Variants in ZBTB46 observed in about 807,000 individuals in gnomAD.
ZBTB46 encodes the protein zinc finger and BTB domain-containing protein 46.
Under a neutral mutation model 44.1 loss-of-function variants are expected in ZBTB46, and 8 were observed. That is an observed-to-expected ratio of 0.18 (90% CI 0.11 to 0.33). The LOEUF is 0.33. Among genes scored for constraint, ZBTB46 ranks in the 10% least tolerant of loss-of-function variants. The pLI, the probability that ZBTB46 is intolerant of heterozygous loss-of-function variation, is 1.00. For missense variants in ZBTB46, 651 were observed against 847.7 expected (o/e 0.77, Z 2.88); for synonymous variants, 409 against 382.3 (o/e 1.07, Z -0.81).
At chr20:63,791,385 A>G (rs1201593678) in intron 1 of ZBTB46, among the ~76,000 whole-genome samples, 1 of 148,876 alleles carries the variant, frequency 6.7e-6, no homozygotes, top group Non-Finnish European at 1.5e-5. Context: ...AGTCCCAGCT[A>G]TTCAGGAGGC....
intron 1 of ZBTB46, among the ~76,000 whole-genome samples, chr20:63,810,039 C>T (rs561517439): frequency 2.7e-4 from 41 of 152,198 alleles, no homozygotes; most frequent in African/African-American, 9.4e-4. Context: ...CAAAGGTGGC[C>T]GTGACACAGG....
chr20:63,812,968 C>T (rs1392696097), intron 1 of ZBTB46, among the ~76,000 whole-genome samples: 1 of 151,948 alleles, frequency 6.6e-6, no homozygotes, highest in African/African-American at 2.4e-5. Context: ...TGTGATGGCG[C>T]GTGCCTGTAG....
At chr20:63,762,251 T>A (rs947549489) in intron 3 of ZBTB46, among the ~76,000 whole-genome samples, 1 of 152,216 alleles carries the variant, frequency 6.6e-6, no homozygotes, top group Non-Finnish European at 1.5e-5. Context: ...TTACTGAGAT[T>A]TTGTTTGCTG....
chr20:63,759,536 T>C lies in ZBTB46; in HGVS notation c.1223-6675A>G, dbSNP rs73319792. Among the ~76,000 whole-genome samples the C allele has an allele frequency of 3.1e-3, 473 of 152,252 alleles. 3 individuals carry two copies. Among genetic ancestry groups the C allele is most frequent in the African/African-American group, 0.011 (466 of 41,548 alleles). ...CACAGTGCCTGGCCCCTTTCATTTA[T>C]CACTGTATTGCACAGCTTGGGACAA... On this transcript the variant is annotated intron_variant, in intron 3 of 4. Transcript: ENST00000245663.
intron 2 of ZBTB46, among the ~76,000 whole-genome samples, chr20:63,788,732 C>T (rs1234619657): frequency 6.6e-6 from 1 of 151,872 alleles, no homozygotes; most frequent in East Asian, 2.0e-4. Flanking sequence ...CCCAGCTAAT[C>T]GGAGGCTGTG....
intron 1 of ZBTB46, among the ~76,000 whole-genome samples, chr20:63,830,289 G>C (rs1251869574): frequency 1.3e-5 from 2 of 152,140 alleles, no homozygotes; most frequent in South Asian, 4.1e-4. Flanking sequence ...CTTAGGGATT[G>C]AGTTGTCAGA....
At chr20:63,809,239 G>A (rs368486199) in intron 1 of ZBTB46, among the ~76,000 whole-genome samples, 1 of 128,002 alleles carries the variant, frequency 7.8e-6, no homozygotes, top group Non-Finnish European at 1.7e-5. Context: ...CCCTGGGGGC[G>A]CAGCCCTGGG....
intron 2 of ZBTB46, among the ~76,000 whole-genome samples, chr20:63,777,308 TAAAAC>T (rs1377329750): frequency 6.6e-6 from 1 of 151,910 alleles, no homozygotes; most frequent in African/African-American, 2.4e-5. Flanking sequence ...AAAGTTAAAA[TAAAAC>T]AAAATTAGCT....
At chr20:63,748,446 G>A (rs1392827812) in intron 4 of ZBTB46, among the ~76,000 whole-genome samples, 2 of 152,222 alleles carry the variant, frequency 1.3e-5, no homozygotes, top group East Asian at 1.9e-4. Flanking sequence ...CCTCAGACAT[G>A]GCCAGGGATG....
In ZBTB46 at chr20:63,767,906, C is replaced by G. The variant is rs1176920026; in HGVS notation, c.1222+7772G>C. On this transcript the variant is annotated intron_variant, in intron 3 of 4. Transcript: ENST00000245663. This position sits in a 1 kb window ranked among gnomAD's most constrained non-coding sequence, Gnocchi z 5.0. ...GACAGGCCACAGGCCCTGCAGAAACCCACCCTCATGCCAGCGGGAGCCAAC... is the reference window on the plus strand; with the variant it reads ...GACAGGCCACAGGCCCTGCAGAAACGCACCCTCATGCCAGCGGGAGCCAAC... 4 of 985,332 alleles carry G rather than the reference C, an allele frequency of 4.1e-6. No individual in the cohort carries two copies. The highest frequency in any genetic ancestry group is 4.8e-6 in the Non-Finnish European group (4 of 829,936). 61.0% of individuals were successfully genotyped at this position (985,332 alleles called of 1,614,324 possible).
intron 2 of ZBTB46, among the ~76,000 whole-genome samples, chr20:63,784,893 T>A (rs2092499931): frequency 6.6e-6 from 1 of 152,168 alleles, no homozygotes; most frequent in South Asian, 2.1e-4. Flanking sequence ...GGTTGGGGCA[T>A]CGGCGTCGAA....
intron 3 of ZBTB46, among the ~76,000 whole-genome samples, chr20:63,758,896 T>G (rs2145793056): frequency 8.8e-6 from 1 of 114,152 alleles, no homozygotes; most frequent in South Asian, 3.6e-4. Flanking sequence ...CACGCCCGGC[T>G]AATTTTTTTG....
intron 1 of ZBTB46, among the ~76,000 whole-genome samples, chr20:63,799,514 A>G (rs1309426101): frequency 6.7e-6 from 1 of 149,740 alleles, no homozygotes; most frequent in Admixed American, 6.6e-5. Context: ...CACCCAGCTA[A>G]TTTTTGTAAT....
rs562644083 is a variant in ZBTB46 at position 63,767,770 on chromosome 20, G to A, written c.1222+7908C>T. On this transcript the variant is annotated intron_variant, in intron 3 of 4. Transcript: ENST00000245663. This position sits in a 1 kb window ranked among gnomAD's most constrained non-coding sequence, Gnocchi z 5.0. ...AGCTGTCAGCGCCCAAGGAGCTCCA[G>A]GCGAGGCCAAGCCGTCCTGGCACTG... The A allele has an allele frequency of 1.7e-6, 1 of 597,328 alleles. No homozygotes were observed. Among genetic ancestry groups the A allele is most frequent in the East Asian group, 1.4e-4 (1 of 7,028 alleles). The allele number at this position is 597,328 out of a possible 1,614,324, so 37.0% of individuals were successfully genotyped here. A position where few individuals can be genotyped will look rare whatever the true frequency, so the allele number is the denominator to read the frequency against.
intron 1 of ZBTB46, among the ~76,000 whole-genome samples, 186 bp downstream of exon 1, chr20:63,830,911 G>A (rs1171766652): frequency 7.1e-6 from 1 of 141,038 alleles, no homozygotes; most frequent in Non-Finnish European, 1.6e-5. Flanking sequence ...CGGAGCCCGC[G>A]CCGCAGCTGG....
intron 3 of ZBTB46, among the ~76,000 whole-genome samples, chr20:63,764,640 T>C (rs2092303821): frequency 6.6e-6 from 1 of 151,840 alleles, no homozygotes; most frequent in East Asian, 1.9e-4. Context: ...TTCGCTCTTG[T>C]TGCCCATGCT....
At chr20:63,779,565 C>T (rs1182402011) in intron 2 of ZBTB46, among the ~76,000 whole-genome samples, 1 of 151,896 alleles carries the variant, frequency 6.6e-6, no homozygotes, top group African/African-American at 2.4e-5. Context: ...GACTACAGGG[C>T]GCCTGCCACC....
intron 3 of ZBTB46, among the ~76,000 whole-genome samples, chr20:63,755,847 A>G (rs1310309461): frequency 6.6e-6 from 1 of 152,222 alleles, no homozygotes; most frequent in Non-Finnish European, 1.5e-5. Context: ...AAAAAGCATA[A>G]AGATCATTAC....
chr20:63,808,470 C>T (rs928871661), intron 1 of ZBTB46, among the ~76,000 whole-genome samples: 2 of 152,136 alleles, frequency 1.3e-5, no homozygotes, highest in Non-Finnish European at 2.9e-5. Context: ...GTCTCAGCCC[C>T]GGGCCCGGCG....
Sources: gnomAD v4.1 joint callset for allele counts (sites outside exome capture counted in the v4.1 genomes callset) on GRCh38, gnomAD v4.1.1 for gene constraint, Gnocchi (gnomAD v3.1) non-coding constraint, MANE v1.5 for transcripts, NCBI Gene and HGNC (gene_info 2026-07-23, HGNC 2026-07-21) for gene names.